Variants in DCLK2 observed in about 807,000 individuals in gnomAD.
DCLK2 encodes serine/threonine-protein kinase DCLK2.
In DCLK2, 31 loss-of-function variants were observed where a neutral mutation model predicts 78.4. The observed-to-expected ratio is 0.40, with a 90% CI of 0.30 to 0.53. The LOEUF (loss-of-function observed/expected upper bound fraction) is 0.53. Ranked by LOEUF, DCLK2 falls within the 20% of genes least tolerant of loss-of-function variation. DCLK2 has a pLI of 0.61. For missense variants in DCLK2, 872 were observed against 973.7 expected (o/e 0.90, Z 1.39); for synonymous variants, 407 against 374.9 (o/e 1.09, Z -0.99).
At chr4:150,190,570 G>A (rs1027363541) in intron 2 of DCLK2, among the ~76,000 whole-genome samples, 7 of 152,226 alleles carry the variant, frequency 4.6e-5, no homozygotes, top group South Asian at 2.1e-4. Context: ...TTATGGTTCC[G>A]TATACATGAA....
chr4:150,156,789 A>ATTTAT (rs1735315868), intron 2 of DCLK2, among the ~76,000 whole-genome samples: 1 of 133,106 alleles, frequency 7.5e-6, no homozygotes, highest in African/African-American at 2.9e-5. Context: ...TTATTTATTT[A>ATTTAT]TTTTTTGAGA....
intron 1 of DCLK2, among the ~76,000 whole-genome samples, chr4:150,090,448 A>C (rs1356116482): frequency 1.4e-5 from 2 of 141,308 alleles, no homozygotes; most frequent in African/African-American, 2.6e-5. Context: ...CAAAACAAAA[A>C]AACGCACAAT....
chr4:150,103,651 G>T (rs1021167435), intron 2 of DCLK2, among the ~76,000 whole-genome samples: 3 of 152,004 alleles, frequency 2.0e-5, no homozygotes, highest in Admixed American at 1.3e-4. Flanking sequence ...AATTTATTTT[G>T]AAGTGTTCTG....
intron 3 of DCLK2, among the ~76,000 whole-genome samples, chr4:150,194,184 T>A (rs1238639934): frequency 6.6e-6 from 1 of 152,158 alleles, no homozygotes; most frequent in African/African-American, 2.4e-5. Flanking sequence ...ACCTTCTCGA[T>A]GTTTAGATGC....
chr4:150,174,690 A>G (rs1736815881), intron 2 of DCLK2, among the ~76,000 whole-genome samples: 1 of 151,806 alleles, frequency 6.6e-6, no homozygotes, highest in Non-Finnish European at 1.5e-5. Context: ...TTTTAAGTGA[A>G]GACGGTACTT....
At chr4:150,140,885 A>G (rs972351045) in intron 2 of DCLK2, among the ~76,000 whole-genome samples, 1 of 152,266 alleles carries the variant, frequency 6.6e-6, no homozygotes, top group Non-Finnish European at 1.5e-5. Context: ...TACAGAATGT[A>G]TAAAGAAGTT....
At chr4:150,166,338 A>T (rs72730389) in intron 2 of DCLK2, among the ~76,000 whole-genome samples, 4,016 of 147,960 alleles carry the variant, frequency 0.027, 74 homozygotes, top group Non-Finnish European at 0.042. Flanking sequence ...TAAAATTTTT[A>T]AAAAAATTAG....
intron 4 of DCLK2, among the ~76,000 whole-genome samples, chr4:150,202,244 C>G (rs1328070484): frequency 6.6e-6 from 1 of 152,232 alleles, no homozygotes; most frequent in East Asian, 1.9e-4. Context: ...TGAAATTTAA[C>G]TTGATTGAGA....
At chr4:150,210,693 A>T (rs1316429984) in intron 5 of DCLK2, among the ~76,000 whole-genome samples, 1 of 152,154 alleles carries the variant, frequency 6.6e-6, no homozygotes, top group Non-Finnish European at 1.5e-5. Context: ...CACGCCTTTA[A>T]TCCTAGCACT....
At chr4:150,091,267 A>G in intron 1 of DCLK2, among the ~76,000 whole-genome samples, 1 of 152,224 alleles carries the variant, frequency 6.6e-6, no homozygotes, top group Non-Finnish European at 1.5e-5. Flanking sequence ...ATATGCTCGA[A>G]TATCTTTTCC....
chr4:150,188,567 C>G (rs1407583150), intron 2 of DCLK2, among the ~76,000 whole-genome samples: 2 of 152,058 alleles, frequency 1.3e-5, no homozygotes, highest in Non-Finnish European at 2.9e-5. Context: ...TTTGGGAATC[C>G]AAACTTAAAC....
chr4:150,106,899 A>T (rs943815720), intron 2 of DCLK2, among the ~76,000 whole-genome samples: 1 of 152,242 alleles, frequency 6.6e-6, no homozygotes, highest in African/African-American at 2.4e-5. Context: ...TGTTTATAAA[A>T]TCACTTCAAA....
At chr4:150,204,705 A>C (rs1234402183) in intron 5 of DCLK2, among the ~76,000 whole-genome samples, 1 of 152,152 alleles carries the variant, frequency 6.6e-6, no homozygotes, top group Non-Finnish European at 1.5e-5. Flanking sequence ...AAGCCTGGCC[A>C]ACATAGTGAA....
Position 150,079,280 on chromosome 4 carries a change from A to G in DCLK2, c.253A>G (p.Lys85Glu), listed in dbSNP as rs1408492545. ...CTACCGGAACGGGGACCGCTACTTC[A>G]AGGGCCTGGTGTTTGCCATCTCCAG... The part of the protein sequence containing the change: ...RFYRNGDRYF[K>E]GLVFAISSDR... Residue 85 changes from lysine to glutamate, a missense_variant, in exon 1 of 16, where the codon AAG (lysine) becomes GAG (glutamate). Around this residue, in one of 3 missense-constraint regions of DCLK2, gnomAD observed 567 missense variants for 593.4 expected, o/e 0.96. Coordinates refer to ENST00000296550, the MANE Select transcript of DCLK2 (RefSeq NM_001040260.4). 2.5e-6 allele frequency: 4 copies of G among 1,601,780 alleles called. No homozygotes were observed. Among genetic ancestry groups the G allele is most frequent in the Admixed American group, 1.7e-5 (1 of 58,426 alleles).
rs1230886415 is a variant in DCLK2, at chr4:150,102,513, C to T, written c.457C>T (p.Arg153Cys). ...CGTGTGTGCATCCAATGAACCATTT[C>T]GTAAAGTCGATTACACCAAAAATAT... ...SYVCASNEPF[R>C]KVDYTKNINP... is the part of the protein sequence containing the mutation. Residue 153 changes from arginine to cysteine, a missense_variant, in exon 2 of 16, where the codon CGT becomes TGT. Physicochemically the swap from Arg to Cys is radical, Grantham distance 180. This residue lies in a region of DCLK2 where 567 missense variants were observed against 593.4 expected (regional missense o/e 0.96). Coordinates refer to ENST00000296550, the MANE Select transcript of DCLK2 (RefSeq NM_001040260.4). 7.4e-6 allele frequency: 12 copies of T among 1,613,890 alleles called. No homozygotes were observed. The highest frequency in any genetic ancestry group is 1.7e-5 in the Admixed American group (1 of 59,984).
intron 2 of DCLK2, among the ~76,000 whole-genome samples, chr4:150,127,561 A>G (rs1405301210): frequency 6.6e-6 from 1 of 152,088 alleles, no homozygotes. Context: ...ATATATGGGG[A>G]GTAAGGATTA....
At chr4:150,129,866 A>C (rs1025131233) in intron 2 of DCLK2, among the ~76,000 whole-genome samples, 1 of 151,966 alleles carries the variant, frequency 6.6e-6, no homozygotes, top group African/African-American at 2.4e-5. Context: ...GGAAAAGGAA[A>C]TTTTTTTGAA....
At chr4:150,152,470 C>T (rs1038097798) in intron 2 of DCLK2, among the ~76,000 whole-genome samples, 12 of 152,072 alleles carry the variant, frequency 7.9e-5, no homozygotes, top group Non-Finnish European at 1.0e-4. Context: ...TTAGTAGAGA[C>T]GGGGTTTCAC....
intron 10 of DCLK2, 86 bp downstream of exon 10, chr4:150,232,914 A>C (rs1359049160): frequency 1.0e-5 from 15 of 1,473,026 alleles, no homozygotes; most frequent in Non-Finnish European, 1.3e-5. Context: ...TTTATAGTCT[A>C]TACCAATCCT....
Sources: allele counts gnomAD v4.1 joint callset (sites outside exome capture counted in the v4.1 genomes callset), GRCh38; gene constraint gnomAD v4.1.1; regional missense constraint gnomAD v4.1.1; transcripts MANE v1.5; gene names NCBI Gene and HGNC (gene_info 2026-07-23, HGNC 2026-07-21).